FAM168A: variants seen among roughly 807,000 people sequenced by gnomAD.
FAM168A encodes the protein family with sequence similarity 168 member A, also known as protein FAM168A.
FAM168A carries 3 observed loss-of-function variants against 28.5 expected under a neutral mutation model. The ratio of observed to expected loss-of-function variants is 0.11; its 90% CI spans 0.05 to 0.27. FAM168A has a LOEUF of 0.27. FAM168A is among the 10% of genes least tolerant of loss of function. The probability of loss-of-function intolerance (pLI) is 1.00; values close to 1 mark genes in which losing one functional copy is unlikely to be tolerated. For missense variants in FAM168A, 222 were observed against 311.5 expected (o/e 0.71, Z 2.16); for synonymous variants, 122 against 124.2 (o/e 0.98, Z 0.12).
At chr11:73,565,387 GA>G (rs1408424489) in intron 1 of FAM168A, among the ~76,000 whole-genome samples, 1 of 152,148 alleles carries the variant, frequency 6.6e-6, no homozygotes, top group African/African-American at 2.4e-5. Flanking sequence ...CCACTATACT[GA>G]TATTTCCACA....
rs1011877987 is a variant in FAM168A, at chr11:73,406,587, T to C, written c.*176A>G. 1 of 152,526 alleles carries C rather than the reference T, an allele frequency of 6.6e-6. No individual in the cohort carries two copies. The highest frequency in any genetic ancestry group is 1.5e-5 in the Non-Finnish European group (1 of 68,024). 9.4% of individuals were successfully genotyped at this position (152,526 alleles called of 1,614,324 possible). ...GCAGGAGATTAGAAAAAGCAGCTTT[T>C]ACAAAAACCAAAAATAAAAATCAAA... On this transcript the variant is annotated 3_prime_UTR_variant, in exon 8 of 8. Transcript: ENST00000356467.
chr11:73,430,610 GC>G, intron 3 of FAM168A, 79 bp downstream of exon 3: 2 of 1,311,700 alleles, frequency 1.5e-6, no homozygotes, highest in Non-Finnish European at 2.2e-6. Flanking sequence ...ACAGGAAAAG[GC>G]CAGCAAGTGG....
At chr11:73,534,113 G>A (rs2366780) in intron 1 of FAM168A, among the ~76,000 whole-genome samples, 47,023 of 152,068 alleles carry the variant, frequency 0.31, 9,528 homozygotes, top group African/African-American at 0.58. Flanking sequence ...CATCTTCATA[G>A]AGTTGATAAA....
At chr11:73,455,892 G>T (rs772100452) in intron 2 of FAM168A, among the ~76,000 whole-genome samples, 1 of 152,128 alleles carries the variant, frequency 6.6e-6, no homozygotes, top group Non-Finnish European at 1.5e-5. Context: ...ATCCTGAGGT[G>T]CAATCTCCCA....
chr11:73,435,585 C>CTTAT (rs1024241564), intron 2 of FAM168A, among the ~76,000 whole-genome samples: 9 of 152,064 alleles, frequency 5.9e-5, no homozygotes, highest in East Asian at 1.9e-4. Context: ...TCTTACTTTA[C>CTTAT]TTATTTATTT....
intron 1 of FAM168A, among the ~76,000 whole-genome samples, chr11:73,469,521 A>C (rs1314873722): frequency 6.6e-6 from 1 of 152,208 alleles, no homozygotes; most frequent in Admixed American, 6.5e-5. Context: ...TAGTCTGTCT[A>C]GGGTTCAAAA....
chr11:73,540,817 T>C (rs1943644119), intron 1 of FAM168A, among the ~76,000 whole-genome samples: 2 of 152,166 alleles, frequency 1.3e-5, no homozygotes, highest in African/African-American at 4.8e-5. Context: ...GAAAGACTTA[T>C]GAGGGCAGGA....
intron 1 of FAM168A, among the ~76,000 whole-genome samples, chr11:73,576,749 C>G (rs1262812031): frequency 6.6e-6 from 1 of 152,132 alleles, no homozygotes; most frequent in African/African-American, 2.4e-5. Context: ...TGGGCTCACC[C>G]AGGAGGGAAG....
intron 1 of FAM168A, among the ~76,000 whole-genome samples, chr11:73,469,324 A>G (rs1230813914): frequency 6.6e-6 from 1 of 152,224 alleles, no homozygotes; most frequent in Admixed American, 6.5e-5. Context: ...ACACATTTGA[A>G]AATGTGTCTC....
intron 1 of FAM168A, among the ~76,000 whole-genome samples, chr11:73,493,657 T>A (rs11235777): frequency 0.03 from 4,525 of 152,242 alleles, 223 homozygotes; most frequent in African/African-American, 0.1. Flanking sequence ...GCTCAAGCAA[T>A]CCACCTGCTT....
chr11:73,589,207 A>G (rs1944352276), intron 1 of FAM168A, among the ~76,000 whole-genome samples: 1 of 152,270 alleles, frequency 6.6e-6, no homozygotes, highest in South Asian at 2.1e-4. Flanking sequence ...ATGCACGGGT[A>G]AAAGATCTAA....
At chr11:73,509,379 G>C (rs928860154) in intron 1 of FAM168A, among the ~76,000 whole-genome samples, 1 of 152,192 alleles carries the variant, frequency 6.6e-6, no homozygotes, top group Non-Finnish European at 1.5e-5. Flanking sequence ...TATTAAGTGG[G>C]AGTCACTAAG....
intron 1 of FAM168A, among the ~76,000 whole-genome samples, chr11:73,481,543 G>A (rs1867967458): frequency 6.6e-6 from 1 of 152,180 alleles, no homozygotes; most frequent in African/African-American, 2.4e-5. Flanking sequence ...GATTTCTAGA[G>A]AGACAATAAA....
At chr11:73,417,002 T>C (rs1180588193) in intron 4 of FAM168A, among the ~76,000 whole-genome samples, 1 of 152,130 alleles carries the variant, frequency 6.6e-6, no homozygotes, top group Non-Finnish European at 1.5e-5. Flanking sequence ...TGATAGCCTG[T>C]CTGGGAGGGA....
chr11:73,527,639 T>C (rs1041635593), intron 1 of FAM168A, among the ~76,000 whole-genome samples: 7 of 152,136 alleles, frequency 4.6e-5, no homozygotes, highest in African/African-American at 1.7e-4. Context: ...CTCATTTTAA[T>C]GAGAAAACTG....
chr11:73,536,251 T>A (rs1943579821), intron 1 of FAM168A, among the ~76,000 whole-genome samples: 2 of 152,252 alleles, frequency 1.3e-5, no homozygotes, highest in South Asian at 4.1e-4. Context: ...AAAGACAGAA[T>A]TCAGATCCTA....
Position 73,529,796 on chromosome 11 carries a change from C to CTT in FAM168A, c.-18-61306_-18-61305dup, listed in dbSNP as rs772530179. On this transcript the variant is annotated intron_variant, in intron 1 of 7. Coordinates refer to ENST00000356467, the MANE Select transcript of FAM168A (RefSeq NM_015159.3). ...TCCTTCATTCAAACAACTTTTTCTT[C>CTT]TTTTTTTTTTTTTTTTGGAGACGCA... 5.9e-4 allele frequency among the ~76,000 whole-genome samples: 75 copies of CTT among 127,510 alleles called. 2 individuals carry two copies. Among genetic ancestry groups the CTT allele is most frequent in the African/African-American group, 1.3e-3 (39 of 29,686 alleles). 83.7% of individuals were successfully genotyped at this position (127,510 alleles called of 152,430 possible).
At chr11:73,523,714 G>A (rs1943414272) in intron 1 of FAM168A, among the ~76,000 whole-genome samples, 1 of 152,016 alleles carries the variant, frequency 6.6e-6, no homozygotes, top group Non-Finnish European at 1.5e-5. Flanking sequence ...CTCCCAAAGT[G>A]CTTGGATTAC....
At chr11:73,536,026 T>C (rs1414487516) in intron 1 of FAM168A, among the ~76,000 whole-genome samples, 1 of 152,122 alleles carries the variant, frequency 6.6e-6, no homozygotes, top group Non-Finnish European at 1.5e-5. Flanking sequence ...TTTCTATTTT[T>C]TGCAGAAATG....
Sources: gnomAD v4.1 joint callset for allele counts (sites outside exome capture counted in the v4.1 genomes callset) on GRCh38, gnomAD v4.1.1 for gene constraint, MANE v1.5 for transcripts, NCBI Gene and HGNC (gene_info 2026-07-23, HGNC 2026-07-21) for gene names.